Variants in FBXO3 observed in about 807,000 individuals in gnomAD.
The protein encoded by FBXO3 is F-box protein 3.
A neutral mutation model predicts 64.8 loss-of-function variants in FBXO3; 17 were observed. That is an observed-to-expected ratio of 0.26 (90% confidence interval 0.18 to 0.39). FBXO3 has a LOEUF of 0.39. Among genes scored for constraint, FBXO3 ranks in the 10% least tolerant of loss-of-function variants. The pLI is 1.00. For synonymous variants in FBXO3, 182 were observed against 201.6 expected, an observed-to-expected ratio of 0.90 and a Z score of 0.82; for missense variants, 420 against 589.9, an observed-to-expected ratio of 0.71 and a Z score of 2.98.
rs1183112088 is a variant in FBXO3, at chr11:33,749,161, A to C, written c.933-269T>G. On this transcript the variant is annotated intron_variant, in intron 8 of 10. Coordinates refer to ENST00000265651, the MANE Select transcript of FBXO3 (RefSeq NM_012175.4). ...ACAGAAAGGGCAACATAAAATGTGCAACATAATGGTGACAACAATCTTTCG... is the reference window on the plus strand; with the variant it reads ...ACAGAAAGGGCAACATAAAATGTGCCACATAATGGTGACAACAATCTTTCG... Among the ~76,000 whole-genome samples the C allele has an allele frequency of 2.0e-5, 3 of 152,378 alleles. No individual in the cohort carries two copies. The East Asian group carries it at 5.8e-4, about 29-fold the overall frequency.
chr11:33,762,009 T>C (rs917088496), intron 3 of FBXO3, among the ~76,000 whole-genome samples: 1 of 152,226 alleles, frequency 6.6e-6, no homozygotes, highest in African/African-American at 2.4e-5. Flanking sequence ...TTAACTCAAA[T>C]TCAACTAATT....
At chr11:33,763,252 G>A (rs776145527) in intron 3 of FBXO3, 16 of 445,824 alleles carry the variant, frequency 3.6e-5, no homozygotes, top group African/African-American at 1.4e-4. Context: ...TTCTCGACTC[G>A]TTTTATAAGG....
rs757752705 is a variant in FBXO3, at chr11:33,754,447, T to C, written c.724+8A>G. The C allele has an allele frequency of 1.4e-5, 22 of 1,573,580 alleles. No individual in the cohort carries two copies. Among genetic ancestry groups the C allele is most frequent in the Non-Finnish European group, 1.7e-5 (20 of 1,166,294 alleles). On this transcript the variant is annotated splice_region_variant and intron_variant, in intron 6 of 10. Transcript: ENST00000265651. The stretch of plus-strand genomic sequence containing the variant: ...AGAAGGGGGAAAAAAGACTTTTTTC[T>C]TTCCTACCTATAATAAACATGTCAA...
rs1298271644 is a variant in FBXO3 at position 33,743,503 on chromosome 11, C to T, written c.1240-1419G>A. 1 of 152,274 alleles carries T rather than the reference C, an allele frequency of 6.6e-6. No homozygotes were observed. Among genetic ancestry groups the T allele is most frequent in the African/African-American group, 2.4e-5 (1 of 41,436 alleles). 9.4% of individuals were successfully genotyped at this position (152,274 alleles called of 1,614,324 possible). On this transcript the variant is annotated intron_variant, in intron 10 of 10. Coordinates refer to ENST00000265651, the MANE Select transcript of FBXO3 (RefSeq NM_012175.4). The surrounding 1 kb of genome is among the most constrained non-coding windows in gnomAD (Gnocchi z 4.6). ...ACTTGGTATTCTGGAAAGTATGGGG[C>T]AACTTGGGGCGTGATGTCAGCCAGA...
At chr11:33,747,884 A>G (rs1854858528) in intron 9 of FBXO3, among the ~76,000 whole-genome samples, 3 of 152,020 alleles carry the variant, frequency 2.0e-5, no homozygotes, top group African/African-American at 7.3e-5. Context: ...AGTAAAAAAA[A>G]AAAAAAAAAC....
chr11:33,751,615 G>A lies in FBXO3; in HGVS notation c.725-8C>T, dbSNP rs7479064. 3 of 1,557,430 alleles carry A rather than the reference G, an allele frequency of 1.9e-6. No homozygotes were observed. Among genetic ancestry groups the A allele is most frequent in the Admixed American group, 1.8e-5 (1 of 54,852 alleles). On this transcript the variant is annotated splice_polypyrimidine_tract_variant and splice_region_variant and intron_variant, in intron 6 of 10. Coordinates refer to ENST00000265651, the MANE Select transcript of FBXO3 (RefSeq NM_012175.4). ...AGTCAGTAAAAGTAGCACCTATAAA[G>A]CAGGAAAGGGAGAAAAAAAGAAAAG... is the stretch of plus-strand genomic sequence containing the variant.
At chr11:33,774,066 G>T in intron 1 of FBXO3, 1 of 294,424 alleles carries the variant, frequency 3.4e-6, no homozygotes, top group Non-Finnish European at 6.5e-6. Flanking sequence ...GCACCTGCGG[G>T]GCCAGCGGGG....
chr11:33,755,999 A>G (rs775635465), intron 4 of FBXO3, 24 bp from the exon 5 acceptor site: 3 of 1,594,706 alleles, frequency 1.9e-6, no homozygotes, highest in Non-Finnish European at 2.6e-6. Flanking sequence ...AGACTCAAAC[A>G]TGTAATACAC....
chr11:33,761,516 A>G (rs972952868), intron 3 of FBXO3, among the ~76,000 whole-genome samples: 9 of 152,232 alleles, frequency 5.9e-5, no homozygotes, highest in Admixed American at 3.3e-4. Context: ...TATGTACCTA[A>G]TAAGAGCTTT....
intron 9 of FBXO3, 80 bp from the exon 10 acceptor site, chr11:33,747,400 C>T (rs540201205): frequency 1.8e-6 from 2 of 1,142,680 alleles, no homozygotes; most frequent in East Asian, 2.5e-5. Context: ...GTCTCCATGG[C>T]ATTATGTAAA....
At chr11:33,746,716 G>A (rs1270208644) in intron 10 of FBXO3, 2 of 1,420,746 alleles carry the variant, frequency 1.4e-6, no homozygotes, top group East Asian at 2.5e-5. Context: ...CAGAGAGACT[G>A]CCAAAAGTAC....
Position 33,741,919 on chromosome 11 carries a change from G to A in FBXO3, c.1405C>T (p.Arg469Cys), listed in dbSNP as rs77122959. 6.2e-7 allele frequency: 1 copy of A among 1,610,346 alleles called. No homozygotes were observed. The highest frequency in any genetic ancestry group is 8.5e-7 in the Non-Finnish European group (1 of 1,178,300). ...DVPIRRRRCS[R>C]LF ...CAGCAGAAGGCTTGCTAAAAAAGGC[G>A]TGAGCAGCGGCGTCTGCGAATGGGA... Residue 469 changes from arginine (R) to cysteine (C), a missense_variant, in exon 11 of 11, where the codon CGC becomes TGC. Physicochemically the swap from Arg to Cys is radical, Grantham distance 180. Transcript: ENST00000265651.
At chr11:33,758,818 T>C (rs888151767) in intron 3 of FBXO3, among the ~76,000 whole-genome samples, 1 of 152,124 alleles carries the variant, frequency 6.6e-6, no homozygotes, top group Non-Finnish European at 1.5e-5. Context: ...TGGCACTTAG[T>C]AAAACATGGA....
chr11:33,757,656 T>TA (rs1170445394), intron 4 of FBXO3, among the ~76,000 whole-genome samples: 743 of 23,942 alleles, frequency 0.031, 92 homozygotes, highest in African/African-American at 0.097. Context: ...CACCATCTCT[T>TA]AAAAAAAAAA....
chr11:33,748,619 G>C (rs1436750947), intron 9 of FBXO3, among the ~76,000 whole-genome samples, 158 bp downstream of exon 9: 2 of 152,132 alleles, frequency 1.3e-5, no homozygotes, highest in African/African-American at 4.8e-5. Flanking sequence ...ATCAATCCCT[G>C]AATAATTAAG....
At chr11:33,755,464 A>C (rs771040436) in intron 5 of FBXO3, among the ~76,000 whole-genome samples, 1 of 151,620 alleles carries the variant, frequency 6.6e-6, no homozygotes, top group African/African-American at 2.4e-5. Context: ...AAATTTTTGG[A>C]AAGTCTGAAA....
rs2133594123 is a variant in FBXO3, at chr11:33,747,286, A to G, written c.1083T>C (p.Tyr361=). 1 of 1,613,484 alleles carries G rather than the reference A, an allele frequency of 6.2e-7. No homozygotes were observed. The highest frequency in any genetic ancestry group is 8.5e-7 in the Non-Finnish European group (1 of 1,179,858). ...EFPIISPGRV[Y]EYTSCTTFST... is the part of the protein sequence containing the mutation. Reference sequence around the variant, plus strand: ...AGAATGTGGTACAGCTTGTGTATTCATATACCCGACCTGGGCTGATGATTG... The same window carrying G: ...AGAATGTGGTACAGCTTGTGTATTCGTATACCCGACCTGGGCTGATGATTG... The change falls in exon 10 of 11, where the codon TAT becomes TAC. Residue 361 remains tyrosine, a synonymous_variant. Coordinates refer to ENST00000265651, the MANE Select transcript of FBXO3 (RefSeq NM_012175.4).
chr11:33,748,404 G>A (rs945145592), intron 9 of FBXO3, among the ~76,000 whole-genome samples: 31 of 152,054 alleles, frequency 2.0e-4, no homozygotes, highest in African/African-American at 7.0e-4. Flanking sequence ...AAAGCCAAAT[G>A]ACAATGGTAA....
At chr11:33,744,215 G>A (rs1282478707) in intron 10 of FBXO3, 1 of 152,084 alleles carries the variant, frequency 6.6e-6, no homozygotes, top group Non-Finnish European at 1.5e-5. Context: ...CATGATATGT[G>A]AGTAGTATGA....
Sources: gnomAD v4.1 joint callset for allele counts (sites outside exome capture counted in the v4.1 genomes callset) on GRCh38, gnomAD v4.1.1 for gene constraint, Gnocchi (gnomAD v3.1) non-coding constraint, MANE v1.5 for transcripts, NCBI Gene and HGNC (gene_info 2026-07-23, HGNC 2026-07-21) for gene names.